MBTPS1: variants seen among roughly 807,000 people sequenced by gnomAD.
MBTPS1 encodes membrane-bound transcription factor site-1 protease.
A neutral mutation model predicts 127.8 loss-of-function variants in MBTPS1; 94 were observed. The observed-to-expected ratio is 0.74, with a 90% CI of 0.62 to 0.87. MBTPS1 has a LOEUF of 0.87. Among genes scored for constraint, MBTPS1 ranks in the 40% least tolerant of loss-of-function variants. The pLI is 0.00. For missense variants in MBTPS1, 1,636 were observed against 1,353.2 expected (o/e 1.21, Z -3.28); for synonymous variants, 632 against 509.4 (o/e 1.24, Z -3.24).
In MBTPS1 at chr16:84,066,518, T is replaced by C; in HGVS notation, c.2324A>G (p.Glu775Gly). Residue 775 changes from glutamate to glycine, a missense_variant, in exon 17 of 23, where the codon GAA (glutamate) becomes GGA (glycine). Physicochemically the swap from Glu to Gly is moderately conservative, Grantham distance 98. Coordinates refer to ENST00000343411, the MANE Select transcript of MBTPS1 (RefSeq NM_003791.4). ...ATGGTTGGCCAGGGTGAACTCCCCTTCATACAGGCCATCGCTGAACCCCAT... is the reference window on the plus strand; with the variant it reads ...ATGGTTGGCCAGGGTGAACTCCCCTCCATACAGGCCATCGCTGAACCCCAT... ...WNMGFSDGLYEGEFTLANHDM... is the reference protein window; with the variant it reads ...WNMGFSDGLYGGEFTLANHDM... 6.2e-7 allele frequency: 1 copy of C among 1,614,186 alleles called. No individual in the cohort carries two copies. Among genetic ancestry groups the C allele is most frequent in the South Asian group, 1.1e-5 (1 of 91,076 alleles).
At chr16:84,069,555 G>A (rs1489960840) in intron 14 of MBTPS1, among the ~76,000 whole-genome samples, 2 of 152,230 alleles carry the variant, frequency 1.3e-5, no homozygotes, top group African/African-American at 4.8e-5. Flanking sequence ...GTGGGAGCAG[G>A]GAGAAGGCCA....
chr16:84,068,498 T>G, intron 14 of MBTPS1, 44 bp from the exon 15 acceptor site: 1 of 1,354,346 alleles, frequency 7.4e-7, no homozygotes, highest in Non-Finnish European at 1.1e-6. Context: ...CGATCTTTAC[T>G]GGCAATAAAG....
intron 1 of MBTPS1, among the ~76,000 whole-genome samples, chr16:84,106,813 G>A (rs1188429118): frequency 1.3e-5 from 2 of 152,224 alleles, no homozygotes; most frequent in African/African-American, 4.8e-5. Context: ...CTTGGACCAG[G>A]GCGGGCAGGG....
At chr16:84,090,575 G>T (rs190448309) in intron 8 of MBTPS1, among the ~76,000 whole-genome samples, 5 of 151,752 alleles carry the variant, frequency 3.3e-5, no homozygotes, top group Non-Finnish European at 7.4e-5. Flanking sequence ...TGATTTTTGG[G>T]GAAAAAAAGT....
chr16:84,105,942 C>G (rs1054149387), intron 1 of MBTPS1, among the ~76,000 whole-genome samples: 2 of 152,004 alleles, frequency 1.3e-5, no homozygotes, highest in Non-Finnish European at 2.9e-5. Flanking sequence ...GGAGACAGAC[C>G]GTAACTAAGA....
At position 84,099,239 on chromosome 16, in the gene MBTPS1, T is replaced by C; in HGVS notation, c.235A>G (p.Ser79Gly). The C allele has an allele frequency of 6.2e-7, 1 of 1,614,066 alleles. No homozygotes were observed. The highest frequency in any genetic ancestry group is 8.5e-7 in the Non-Finnish European group (1 of 1,179,910). Residue 79 changes from serine to glycine, a missense_variant, in exon 3 of 23, where the codon AGC becomes GGC. Physicochemically the swap from Ser to Gly is moderately conservative, Grantham distance 56. Coordinates refer to ENST00000343411, the MANE Select transcript of MBTPS1 (RefSeq NM_003791.4). ...RNSFISSALK[S>G]SEVDNWRIIP... ...ATTCTCCAATTGTCTACTTCACTGC[T>C]CTTCAGGGCACTTGAAATAAATGAA...
intron 1 of MBTPS1, among the ~76,000 whole-genome samples, chr16:84,112,640 C>G (rs1479730818): frequency 8.8e-6 from 1 of 114,136 alleles, no homozygotes; most frequent in Non-Finnish European, 1.7e-5. Flanking sequence ...CCAGCCCGGG[C>G]AACAGAGCGA....
At position 84,069,901 on chromosome 16, in the gene MBTPS1, C is replaced by A; in HGVS notation, c.1920G>T (p.Arg640Ser). 3 of 1,614,056 alleles carry A rather than the reference C, an allele frequency of 1.9e-6. No individual in the cohort carries two copies. The highest frequency in any genetic ancestry group is 2.5e-6 in the Non-Finnish European group (3 of 1,179,996). The change falls in exon 14 of 23, where the codon AGG (arginine) becomes AGT (serine). Residue 640 changes from arginine (R) to serine (S), a missense_variant. By Grantham distance (110) the Arg-to-Ser change is moderately radical. Transcript: ENST00000343411. ...GGTCATTCTTCATCCTTAAATTATC[C>A]CTGGGGAAATAGCCAGGTGGATAGC... is the stretch of plus-strand genomic sequence containing the variant. ...NLRYPPGYFPRDNLRMKNDPL... is the reference protein window; with the variant it reads ...NLRYPPGYFPSDNLRMKNDPL...
intron 12 of MBTPS1, among the ~76,000 whole-genome samples, chr16:84,073,742 C>T (rs981296370): frequency 1.3e-5 from 2 of 152,040 alleles, no homozygotes; most frequent in Non-Finnish European, 2.9e-5. Flanking sequence ...CGGTGGCTCA[C>T]ACCTGTAATC....
Position 84,091,607 on chromosome 16 carries a change from A to G in MBTPS1, c.963+125T>C, listed in dbSNP as rs1597337645. 4.4e-6 allele frequency: 3 copies of G among 687,584 alleles called. No homozygotes were observed. In the East Asian group the frequency reaches 7.7e-5, roughly 18 times the overall value. The allele number at this position is 687,584 out of a possible 1,614,324, so 42.6% of individuals were successfully genotyped here. A position where few individuals can be genotyped will look rare whatever the true frequency, so the allele number is the denominator to read the frequency against. On this transcript the variant is annotated intron_variant, in intron 7 of 22. Coordinates refer to ENST00000343411, the MANE Select transcript of MBTPS1 (RefSeq NM_003791.4). ...ATCACTGAAGCTCACGTCATTAGCC[A>G]TCTGTTCTCACAAAGCTGTCACCAC...
intron 3 of MBTPS1, among the ~76,000 whole-genome samples, chr16:84,098,852 A>G (rs1187009502): frequency 6.6e-6 from 1 of 152,084 alleles, no homozygotes; most frequent in African/African-American, 2.4e-5. Context: ...TCTCTTTTTA[A>G]AAAATAATTC....
At chr16:84,103,661 AG>A (rs1051992164) in intron 1 of MBTPS1, among the ~76,000 whole-genome samples, 1 of 152,222 alleles carries the variant, frequency 6.6e-6, no homozygotes, top group African/African-American at 2.4e-5. Context: ...GGTGCTTCTG[AG>A]TTTTTGGTTT....
At chr16:84,109,042 G>A (rs1424638670) in intron 1 of MBTPS1, among the ~76,000 whole-genome samples, 5 of 152,202 alleles carry the variant, frequency 3.3e-5, no homozygotes, top group Non-Finnish European at 7.3e-5. Context: ...CTCCAAAAGG[G>A]TGTGGCAGCA....
chr16:84,100,174 G>T (rs924412911), intron 2 of MBTPS1, among the ~76,000 whole-genome samples: 1 of 152,220 alleles, frequency 6.6e-6, no homozygotes, highest in Non-Finnish European at 1.5e-5. Flanking sequence ...CATTCTGGGA[G>T]GTCGAAGTGG....
intron 3 of MBTPS1, 78 bp downstream of exon 3, chr16:84,098,975 T>A: frequency 2.9e-6 from 4 of 1,362,718 alleles, no homozygotes; most frequent in Non-Finnish European, 4.1e-6. Context: ...CTCACTGTAC[T>A]ATTTTTCAAC....
intron 2 of MBTPS1, among the ~76,000 whole-genome samples, chr16:84,100,507 G>GCACT: frequency 1.3e-5 from 2 of 151,816 alleles, no homozygotes; most frequent in Admixed American, 1.3e-4. Flanking sequence ...TGGTGCCATT[G>GCACT]CACTCCAGCC....
In MBTPS1 at chr16:84,054,650, AAG is replaced by A. The variant is rs1269884517; in HGVS notation, c.2963-7_2963-6del. 1 of 1,582,226 alleles carries A rather than the reference AAG, an allele frequency of 6.3e-7. No individual in the cohort carries two copies. The highest frequency in any genetic ancestry group is 2.3e-5 in the East Asian group (1 of 43,824). ...TGTAGCGGCCAGGCATGATCCCTGT[AAG>A]AGGACAGCCGGTTGAACAGGCAGGA... is the stretch of plus-strand genomic sequence containing the variant. On this transcript the variant is annotated splice_polypyrimidine_tract_variant and splice_region_variant and intron_variant, in intron 22 of 22. Transcript: ENST00000343411.
At chr16:84,094,522 A>C (rs965652657) in intron 4 of MBTPS1, among the ~76,000 whole-genome samples, 16 of 152,242 alleles carry the variant, frequency 1.1e-4, no homozygotes, top group Non-Finnish European at 1.6e-4. Flanking sequence ...CATCTAGAAA[A>C]AAAATACAGA....
intron 7 of MBTPS1, among the ~76,000 whole-genome samples, chr16:84,091,309 A>C (rs1183395202): frequency 6.6e-6 from 1 of 152,038 alleles, no homozygotes; most frequent in East Asian, 1.9e-4. Context: ...AATTCGGTGA[A>C]ACCCCGTCTC....
Sources: gnomAD v4.1 joint callset for allele counts (sites outside exome capture counted in the v4.1 genomes callset) on GRCh38, gnomAD v4.1.1 for gene constraint, MANE v1.5 for transcripts, NCBI Gene and HGNC (gene_info 2026-07-23, HGNC 2026-07-21) for gene names.